The following RGS12 variants were observed in gnomAD, a reference collection of about 807,000 sequenced individuals.
The protein encoded by RGS12 is regulator of G protein signaling 12, also known as regulator of G-protein signaling 12.
In RGS12, 66 loss-of-function variants were observed where a neutral mutation model predicts 120.1. That is an observed-to-expected ratio of 0.55 (90% CI 0.45 to 0.67). RGS12 has a LOEUF of 0.67. Ranked by LOEUF, RGS12 falls within the 30% of genes least tolerant of loss-of-function variation. The pLI is 0.00. For missense variants in RGS12, 1,859 were observed against 1,957.7 expected (o/e 0.95, Z 0.95); for synonymous variants, 827 against 804.7 (o/e 1.03, Z -0.47).
chr4:3,317,061 G>C lies in RGS12; in HGVS notation c.891G>C (p.Glu297Asp), dbSNP rs1221104169. Residue 297 changes from glutamate (E) to aspartate (D), a missense_variant, in exon 2 of 18, where the codon GAG (glutamate) becomes GAC (aspartate). Physicochemically the swap from Glu to Asp is conservative, Grantham distance 45. Coordinates refer to ENST00000336727, the MANE Select transcript of RGS12 (RefSeq NM_001394154.1). ...GAGTCGTGGCCGAGTACCCGGCCGA[G>C]AAGCTGGCCTTCAGCGCCGTGTGCC... is the stretch of plus-strand genomic sequence containing the variant. Reference protein sequence around the residue: ...KAGVVAEYPAEKLAFSAVCPD... With the variant: ...KAGVVAEYPADKLAFSAVCPD... 6.2e-7 allele frequency: 1 copy of C among 1,613,574 alleles called. No individual in the cohort carries two copies. Among genetic ancestry groups the C allele is most frequent in the African/African-American group, 1.3e-5 (1 of 74,956 alleles).
At chr4:3,315,123 G>A (rs1015567638) in intron 1 of RGS12, among the ~76,000 whole-genome samples, 3 of 152,188 alleles carry the variant, frequency 2.0e-5, no homozygotes. Flanking sequence ...AGGGAGTTAA[G>A]TGCGTCCTGC....
chr4:3,418,799 G>A (rs762778875), intron 9 of RGS12: 13 of 152,086 alleles, frequency 8.5e-5, no homozygotes, highest in East Asian at 1.9e-4. Context: ...CAGGCCTCCC[G>A]AGTACCTGGG....
At chr4:3,307,551 A>C (rs781178554) in intron 1 of RGS12, among the ~76,000 whole-genome samples, 1 of 152,274 alleles carries the variant, frequency 6.6e-6, no homozygotes, top group African/African-American at 2.4e-5. Flanking sequence ...AATTGCATTC[A>C]GACACTTGAG....
At chr4:3,336,756 A>C (rs1338702233) in intron 2 of RGS12, among the ~76,000 whole-genome samples, 1 of 152,246 alleles carries the variant, frequency 6.6e-6, no homozygotes, top group Non-Finnish European at 1.5e-5. Flanking sequence ...CACATTAAAA[A>C]ACGCAACCCA....
Position 3,317,701 on chromosome 4 carries a change from C to A in RGS12, c.1531C>A (p.Pro511Thr). The A allele has an allele frequency of 6.2e-7, 1 of 1,612,312 alleles. No individual in the cohort carries two copies. The highest frequency in any genetic ancestry group is 8.5e-7 in the Non-Finnish European group (1 of 1,179,164). ...HLGPASPVEVPPASLRSSVPP... is the reference protein window; with the variant it reads ...HLGPASPVEVTPASLRSSVPP... ...AGGGCCAGCCTCTCCTGTGGAGGTG[C>A]CCCCAGCTTCCTTGAGGAGCTCAGT... is the stretch of plus-strand genomic sequence containing the variant. The change falls in exon 2 of 18, where the codon CCC (proline) becomes ACC (threonine). Residue 511 changes from proline (P) to threonine (T), a missense_variant. By Grantham distance (38) the Pro-to-Thr change is conservative. Coordinates refer to ENST00000336727, the MANE Select transcript of RGS12 (RefSeq NM_001394154.1).
In RGS12 at chr4:3,414,082, C is replaced by T. The variant is rs544816999; in HGVS notation, c.2031C>T (p.Gly677=). Reference sequence around the variant, plus strand: ...GTGCTGGTCCCGCAGAGTTGACGGGCGCCGACCTGAAGGACTGCGTCAGCA... The same window carrying T: ...GTGCTGGTCCCGCAGAGTTGACGGGTGCCGACCTGAAGGACTGCGTCAGCA... ...SATVSDGELT[G]ADLKDCVSNN... is the part of the protein sequence containing the mutation. The change falls in exon 5 of 18, where the codon GGC becomes GGT. Residue 677 remains glycine, a synonymous_variant. Coordinates refer to ENST00000336727, the MANE Select transcript of RGS12 (RefSeq NM_001394154.1). 1.7e-5 allele frequency: 26 copies of T among 1,562,574 alleles called. No homozygotes were observed. The highest frequency in any genetic ancestry group is 3.6e-5 in the Admixed American group (2 of 56,258).
chr4:3,410,021 C>T (rs1035865557), intron 4 of RGS12, among the ~76,000 whole-genome samples: 2 of 152,244 alleles, frequency 1.3e-5, no homozygotes, highest in African/African-American at 4.8e-5. Flanking sequence ...GAAGTTCTCC[C>T]TTGCTCCCTG....
rs151076554 is a variant in RGS12 at position 3,422,966 on chromosome 4, G to T, written c.3095G>T (p.Arg1032Leu). ...LESRDLRLEKRTLFRLDLVPI... is the reference protein window; with the variant it reads ...LESRDLRLEKLTLFRLDLVPI... ...TCAAGGGACCTGCGCCTAGAAAAGC[G>T]CACCTTGTTTCGGTAAGAGGAAGAT... The change falls in exon 12 of 18, where the codon CGC (arginine) becomes CTC (leucine). Residue 1032 changes from arginine to leucine, a missense_variant. By Grantham distance (102) the Arg-to-Leu change is moderately radical. Coordinates refer to ENST00000336727, the MANE Select transcript of RGS12 (RefSeq NM_001394154.1). 1 of 1,612,996 alleles carries T rather than the reference G, an allele frequency of 6.2e-7. No individual in the cohort carries two copies. The highest frequency in any genetic ancestry group is 2.2e-5 in the East Asian group (1 of 44,874).
At chr4:3,361,377 G>A (rs1425873602) in intron 3 of RGS12, among the ~76,000 whole-genome samples, 1 of 152,188 alleles carries the variant, frequency 6.6e-6, no homozygotes, top group Non-Finnish European at 1.5e-5. Context: ...CTGAATTTGT[G>A]TTATAGTTGA....
At chr4:3,369,190 G>A (rs1716708432) in intron 3 of RGS12, among the ~76,000 whole-genome samples, 1 of 152,212 alleles carries the variant, frequency 6.6e-6, no homozygotes, top group Non-Finnish European at 1.5e-5. Context: ...CCCCGCCCCT[G>A]CAGACTCCCC....
Position 3,432,058 on chromosome 4 carries a change from G to A in RGS12, c.4114+1103G>A, listed in dbSNP as rs916578032. The A allele has an allele frequency of 9.1e-6, 9 of 985,284 alleles. No homozygotes were observed. In the Admixed American group the frequency reaches 3.7e-4, roughly 40 times the overall value. 61.0% of individuals were successfully genotyped at this position (985,284 alleles called of 1,614,324 possible). On this transcript the variant is annotated intron_variant, in intron 17 of 17. Transcript: ENST00000336727. ...CTGGCATGCCCACCGGTGCCACTCT[G>A]CAGCCTCCACCCCTGGCCTGAGTCC...
chr4:3,379,117 G>A (rs1430096525), intron 3 of RGS12, among the ~76,000 whole-genome samples: 1 of 151,954 alleles, frequency 6.6e-6, no homozygotes, highest in Non-Finnish European at 1.5e-5. Context: ...CATGGATGAA[G>A]CCAAACATGT....
chr4:3,432,044 A>C (rs1577107120), intron 17 of RGS12: 1 of 985,228 alleles, frequency 1.0e-6, no homozygotes, highest in Non-Finnish European at 1.2e-6. Context: ...TGGCATGCCC[A>C]CCGGTGCCAC....
In RGS12 at chr4:3,425,484, G is replaced by A. The variant is rs1474691388; in HGVS notation, c.3255G>A (p.Leu1085=). 2 of 1,612,282 alleles carry A rather than the reference G, an allele frequency of 1.2e-6. No individual in the cohort carries two copies. Among genetic ancestry groups the A allele is most frequent in the Admixed American group, 1.7e-5 (1 of 59,932 alleles). ...LVRLSGEKEP[L]DLGAPISSLD... ...CCTAGAGTGGAGAGAAGGAGCCCCTGGACCTTGGCGCCCCTATATCGAGTC... is the reference window on the plus strand; with the variant it reads ...CCTAGAGTGGAGAGAAGGAGCCCCTAGACCTTGGCGCCCCTATATCGAGTC... The change falls in exon 14 of 18, where the codon CTG becomes CTA. Residue 1085 remains leucine (L), a synonymous_variant. Coordinates refer to ENST00000336727, the MANE Select transcript of RGS12 (RefSeq NM_001394154.1).
intron 17 of RGS12, among the ~76,000 whole-genome samples, chr4:3,438,552 C>T (rs1016784680): frequency 7.9e-5 from 12 of 152,144 alleles, no homozygotes; most frequent in Admixed American, 2.0e-4. Context: ...CTGCGTGCAC[C>T]GTTCACTTTC....
At chr4:3,378,239 C>T (rs949061413) in intron 3 of RGS12, 5 of 152,208 alleles carry the variant, frequency 3.3e-5, no homozygotes, top group Middle Eastern at 3.4e-3. Flanking sequence ...GGGTCCTCAT[C>T]GCACACCATA....
At chr4:3,434,412 C>T (rs1213142709) in intron 17 of RGS12, among the ~76,000 whole-genome samples, 1 of 152,150 alleles carries the variant, frequency 6.6e-6, no homozygotes, top group Non-Finnish European at 1.5e-5. Context: ...GGCAGATATA[C>T]CCATGTGCGT....
At chr4:3,363,138 GGT>G (rs919956011) in intron 3 of RGS12, among the ~76,000 whole-genome samples, 14 of 148,934 alleles carry the variant, frequency 9.4e-5, no homozygotes, top group Non-Finnish European at 1.3e-4. Context: ...TGAGTGTGGG[GGT>G]GTGTGTGCGC....
intron 3 of RGS12, among the ~76,000 whole-genome samples, chr4:3,362,854 TG>T (rs1715829991): frequency 7.7e-6 from 1 of 129,234 alleles, no homozygotes; most frequent in Admixed American, 7.7e-5. Flanking sequence ...AGTGTGAGGG[TG>T]TGTGTGTGCG....
Sources: allele counts gnomAD v4.1 joint callset (sites outside exome capture counted in the v4.1 genomes callset), GRCh38; gene constraint gnomAD v4.1.1; transcripts MANE v1.5; gene names NCBI Gene and HGNC (gene_info 2026-07-23, HGNC 2026-07-21).